Variants in LRIG3 observed in about 807,000 individuals in gnomAD.
LRIG3 encodes the protein leucine rich repeats and immunoglobulin like domains 3.
In LRIG3, 76 loss-of-function variants were observed where a neutral mutation model predicts 114.5. That is an observed-to-expected ratio of 0.66 (90% CI 0.55 to 0.80). LRIG3 has a LOEUF of 0.80. LRIG3 is among the 30% of genes least tolerant of loss of function. The pLI is 0.00. For missense variants in LRIG3, 1,239 were observed against 1,382.8 expected, an observed-to-expected ratio of 0.90 and a Z score of 1.65; for synonymous variants, 512 against 519.8, an observed-to-expected ratio of 0.98 and a Z score of 0.20.
chr12:58,887,271 G>A (rs1871306937), intron 8 of LRIG3, among the ~76,000 whole-genome samples: 1 of 152,102 alleles, frequency 6.6e-6, no homozygotes, highest in Admixed American at 6.6e-5. Flanking sequence ...TTCAAATAGC[G>A]AACAGAGCAA....
Position 58,890,815 on chromosome 12 carries a change from A to G in LRIG3, c.384-19T>C. On this transcript the variant is annotated intron_variant, in intron 3 of 18. Transcript: ENST00000320743. ...TCCAGCCCTAGAATTAAAAGAAACC[A>G]CAGTTAACAAGGTTAACGGTACAAC... 6.3e-7 allele frequency: 1 copy of G among 1,594,474 alleles called. No homozygotes were observed. Among genetic ancestry groups the G allele is most frequent in the Admixed American group, 1.8e-5 (1 of 56,234 alleles).
At chr12:58,904,127 A>C (rs1412889435) in intron 3 of LRIG3, among the ~76,000 whole-genome samples, 2 of 152,034 alleles carry the variant, frequency 1.3e-5, no homozygotes, top group Non-Finnish European at 2.9e-5. Context: ...TCATGTTTTA[A>C]ATTTAGTACT....
At chr12:58,907,261 A>G (rs539405916) in intron 3 of LRIG3, among the ~76,000 whole-genome samples, 141 of 152,336 alleles carry the variant, frequency 9.3e-4, no homozygotes, top group African/African-American at 3.3e-3. Flanking sequence ...CACAGTAGGC[A>G]TTGTTGCTGG....
intron 2 of LRIG3, 26 bp from the exon 3 acceptor site, chr12:58,914,082 AAAG>A: frequency 6.3e-7 from 1 of 1,589,988 alleles, no homozygotes; most frequent in Non-Finnish European, 8.5e-7. Flanking sequence ...AAAAAAAGAA[AAAG>A]AAAAGCTGAT....
intron 9 of LRIG3, 117 bp downstream of exon 9, chr12:58,886,693 C>T (rs1413928058): frequency 4.0e-6 from 3 of 750,370 alleles, no homozygotes; most frequent in African/African-American, 1.8e-5. Flanking sequence ...AGGGTGGTAA[C>T]CAGATTAAGC....
intron 8 of LRIG3, among the ~76,000 whole-genome samples, chr12:58,887,396 T>A (rs1014456987): frequency 1.3e-5 from 2 of 152,206 alleles, no homozygotes; most frequent in African/African-American, 4.8e-5. Context: ...AGGACAGAGA[T>A]CAGGTTGAGG....
intron 3 of LRIG3, among the ~76,000 whole-genome samples, chr12:58,902,811 C>A (rs950019797): frequency 2.0e-5 from 3 of 146,980 alleles, no homozygotes; most frequent in Non-Finnish European, 3.0e-5. Context: ...TGAGTGAGAA[C>A]ATGCAGTGTT....
chr12:58,886,980 CT>C, intron 8 of LRIG3, 90 bp from the exon 9 acceptor site: 1 of 898,282 alleles, frequency 1.1e-6, no homozygotes. Context: ...TAAAAAATTT[CT>C]CATAATTCCC....
chr12:58,884,794 T>C (rs1871223906), intron 10 of LRIG3, among the ~76,000 whole-genome samples: 1 of 152,320 alleles, frequency 6.6e-6, no homozygotes, highest in South Asian at 2.1e-4. Flanking sequence ...GAACCCAATA[T>C]GTATTTTAAA....
intron 1 of LRIG3, 60 bp from the exon 2 acceptor site, chr12:58,914,396 T>G (rs1471163497): frequency 7.6e-7 from 1 of 1,308,418 alleles, no homozygotes; most frequent in Non-Finnish European, 1.1e-6. Flanking sequence ...TAGTGCTAAC[T>G]GGGCTTATGA....
chr12:58,884,043 T>A (rs994203010), intron 10 of LRIG3, among the ~76,000 whole-genome samples: 3 of 152,232 alleles, frequency 2.0e-5, no homozygotes, highest in Non-Finnish European at 4.4e-5. Context: ...CATTTATTCC[T>A]ACAACAACCC....
chr12:58,892,428 T>C (rs1291261521), intron 3 of LRIG3, among the ~76,000 whole-genome samples: 1 of 152,204 alleles, frequency 6.6e-6, no homozygotes, highest in Admixed American at 6.5e-5. Flanking sequence ...TGTGTATTTT[T>C]TGCACCCAAA....
intron 3 of LRIG3, among the ~76,000 whole-genome samples, chr12:58,911,620 C>T (rs538431397): frequency 5.3e-5 from 8 of 152,262 alleles, no homozygotes; most frequent in South Asian, 2.1e-4. Flanking sequence ...TTAATTGTGA[C>T]GCTACAGCAA....
intron 1 of LRIG3, among the ~76,000 whole-genome samples, chr12:58,915,342 G>A (rs1034499932): frequency 1.3e-5 from 2 of 152,016 alleles, no homozygotes; most frequent in Non-Finnish European, 2.9e-5. Context: ...TGTTTAAAAC[G>A]GAGTTTTTTA....
chr12:58,916,463 G>A (rs1317982270), intron 1 of LRIG3, among the ~76,000 whole-genome samples: 1 of 152,140 alleles, frequency 6.6e-6, no homozygotes, highest in Non-Finnish European at 1.5e-5. Flanking sequence ...GTTTACATTT[G>A]AGAAATGATT....
At chr12:58,890,193 T>C in intron 4 of LRIG3, 54 bp from the exon 5 acceptor site, 1 of 1,589,052 alleles carries the variant, frequency 6.3e-7, no homozygotes. Flanking sequence ...CAAGTTAAAG[T>C]GCAGGCCATC....
chr12:58,902,015 T>C (rs1211810693), intron 3 of LRIG3, among the ~76,000 whole-genome samples: 1 of 152,186 alleles, frequency 6.6e-6, no homozygotes, highest in Non-Finnish European at 1.5e-5. Flanking sequence ...AGTTATATAA[T>C]ATAATATAGC....
At position 58,874,349 on chromosome 12, in the gene LRIG3, G is replaced by GCTGT. The variant is rs142618940; in HGVS notation, c.2840-20_2840-19insACAG. 6 of 1,606,872 alleles carry GCTGT rather than the reference G, an allele frequency of 3.7e-6. No homozygotes were observed. Among genetic ancestry groups the GCTGT allele is most frequent in the Non-Finnish European group, 5.1e-6 (6 of 1,176,728 alleles). On this transcript the variant is annotated intron_variant, in intron 17 of 18. Coordinates refer to ENST00000320743, the MANE Select transcript of LRIG3 (RefSeq NM_153377.5). ...CTGCAACCTTTTTAATATGGGGGCAGTAACAGAAGGAGATTACAGTTAGCA... is the reference window on the plus strand; with the variant it reads ...CTGCAACCTTTTTAATATGGGGGCAGCTGTTAACAGAAGGAGATTACAGTTAGCA...
chr12:58,894,681 T>C (rs1357342883), intron 3 of LRIG3, among the ~76,000 whole-genome samples: 1 of 152,166 alleles, frequency 6.6e-6, no homozygotes, highest in Non-Finnish European at 1.5e-5. Flanking sequence ...AGTTAATTAA[T>C]ATTTTTGGCA....
Sources: gnomAD v4.1 joint callset for allele counts (sites outside exome capture counted in the v4.1 genomes callset) on GRCh38, gnomAD v4.1.1 for gene constraint, MANE v1.5 for transcripts, NCBI Gene and HGNC (gene_info 2026-07-23, HGNC 2026-07-21) for gene names.